CYP2C18: variants seen among roughly 807,000 people sequenced by gnomAD.
CYP2C18 encodes cytochrome P450 2C18.
A neutral mutation model predicts 41.3 loss-of-function variants in CYP2C18; 38 were observed. The ratio of observed to expected loss-of-function variants is 0.92; its 90% CI spans 0.71 to 1.21. The LOEUF (loss-of-function observed/expected upper bound fraction) is 1.21. Among genes scored for constraint, CYP2C18 ranks in the 50% most tolerant of loss-of-function variants. CYP2C18 has a pLI of 0.00. For synonymous variants in CYP2C18, 236 were observed against 210.0 expected, an observed-to-expected ratio of 1.12 and a Z score of -1.07; for missense variants, 635 against 591.4, an observed-to-expected ratio of 1.07 and a Z score of -0.77.
At chr10:94,727,369 C>G (rs753924443) in intron 7 of CYP2C18, among the ~76,000 whole-genome samples, 4 of 152,124 alleles carry the variant, frequency 2.6e-5, no homozygotes, top group Non-Finnish European at 2.9e-5. Flanking sequence ...AATCCCAGCT[C>G]TTTGGGAGGC....
Position 94,734,488 on chromosome 10 carries a change from A to C in CYP2C18, c.1292-775A>C, listed in dbSNP as rs117054827. 1.6e-3 allele frequency among the ~76,000 whole-genome samples: 237 copies of C among 152,278 alleles called. 1 individual carries two copies. The highest frequency in any genetic ancestry group is 2.7e-3 in the Non-Finnish European group (187 of 68,026). The stretch of plus-strand genomic sequence containing the variant: ...CTCCAGTGGAAGCATGAATATGATG[A>C]GGAAACCTAGAGAGGGTGAGTTTCT... On this transcript the variant is annotated intron_variant, in intron 8 of 8. Transcript: ENST00000285979.
chr10:94,709,117 T>C lies in CYP2C18; in HGVS notation c.819+2157T>C, dbSNP rs1409400345. Among the ~76,000 whole-genome samples, 6 of 152,180 alleles carry C rather than the reference T, an allele frequency of 3.9e-5. No individual in the cohort carries two copies. The East Asian group carries it at 1.2e-3, about 29-fold the overall frequency. The stretch of plus-strand genomic sequence containing the variant: ...CAGAATTGCTGGATTATACAGCAAC[T>C]GTATGCTTAATCTTTGGAGAAACCG... On this transcript the variant is annotated intron_variant, in intron 5 of 8. Transcript: ENST00000285979.
intron 4 of CYP2C18, among the ~76,000 whole-genome samples, chr10:94,700,037 A>T (rs892228939): frequency 2.6e-5 from 4 of 152,216 alleles, no homozygotes; most frequent in African/African-American, 9.6e-5. Context: ...AATATCATGA[A>T]GACGGCCATA....
intron 3 of CYP2C18, among the ~76,000 whole-genome samples, chr10:94,691,683 C>G (rs1392794421): frequency 1.3e-5 from 2 of 152,114 alleles, no homozygotes; most frequent in Non-Finnish European, 2.9e-5. Context: ...CTTTAAAGTT[C>G]ATATGGAACC....
At chr10:94,689,117 A>C (rs1268480597) in intron 3 of CYP2C18, among the ~76,000 whole-genome samples, 1 of 152,192 alleles carries the variant, frequency 6.6e-6, no homozygotes, top group Non-Finnish European at 1.5e-5. Flanking sequence ...TAAAATTATC[A>C]GCTGGTGTTA....
intron 3 of CYP2C18, among the ~76,000 whole-genome samples, chr10:94,691,053 C>A (rs1245028565): frequency 1.3e-5 from 2 of 152,126 alleles, no homozygotes; most frequent in African/African-American, 2.4e-5. Context: ...ATGACAAGCC[C>A]ACAGCCAATA....
chr10:94,722,692 A>G (rs1203976411), intron 6 of CYP2C18, among the ~76,000 whole-genome samples: 1 of 152,170 alleles, frequency 6.6e-6, no homozygotes, highest in Non-Finnish European at 1.5e-5. Flanking sequence ...TCCATTTGTC[A>G]ACTAATTGTT....
chr10:94,717,881 A>G (rs1186092342), intron 5 of CYP2C18, among the ~76,000 whole-genome samples: 1 of 152,042 alleles, frequency 6.6e-6, no homozygotes, highest in Non-Finnish European at 1.5e-5. Flanking sequence ...GAAATCAGGT[A>G]ATGTGATGCC....
chr10:94,734,610 G>C (rs974889539), intron 8 of CYP2C18, among the ~76,000 whole-genome samples: 1 of 152,108 alleles, frequency 6.6e-6, no homozygotes, highest in Non-Finnish European at 1.5e-5. Context: ...AGATGTGACA[G>C]CAAGAGATAA....
chr10:94,688,513 A>G (rs1846938049), intron 3 of CYP2C18, among the ~76,000 whole-genome samples: 1 of 152,176 alleles, frequency 6.6e-6, no homozygotes, highest in African/African-American at 2.4e-5. Context: ...ATACTTTGAC[A>G]TTAACACACT....
rs139412054 is a variant in CYP2C18 at position 94,731,678 on chromosome 10, T to C, written c.1150-1619T>C. Among the ~76,000 whole-genome samples, 9 of 152,178 alleles carry C rather than the reference T, an allele frequency of 5.9e-5. No individual in the cohort carries two copies. In the East Asian group the frequency reaches 1.5e-3, roughly 26 times the overall value. Reference sequence around the variant, plus strand: ...AAATAAAGCAGCATACCTACAGCCATCTAATCTTAAACAATGCTGACAAAA... The same window carrying C: ...AAATAAAGCAGCATACCTACAGCCACCTAATCTTAAACAATGCTGACAAAA... On this transcript the variant is annotated intron_variant, in intron 7 of 8. Transcript: ENST00000285979.
intron 3 of CYP2C18, among the ~76,000 whole-genome samples, chr10:94,691,416 A>G (rs10430657): frequency 0.16 from 25,011 of 152,158 alleles, 2,268 homozygotes; most frequent in East Asian, 0.37. Context: ...GTGAACTCCC[A>G]TTCACAATTG....
intron 5 of CYP2C18, among the ~76,000 whole-genome samples, chr10:94,708,471 TG>T (rs1433693520): frequency 6.6e-6 from 1 of 152,218 alleles, no homozygotes; most frequent in Non-Finnish European, 1.5e-5. Context: ...GTAAGGTCTA[TG>T]GTGTTTCAGT....
chr10:94,721,792 G>T (rs574919664), intron 6 of CYP2C18, among the ~76,000 whole-genome samples: 2 of 151,934 alleles, frequency 1.3e-5, no homozygotes, highest in Non-Finnish European at 2.9e-5. Context: ...ACACGATTTC[G>T]TTCTTTTACA....
intron 8 of CYP2C18, among the ~76,000 whole-genome samples, chr10:94,734,302 A>G (rs1422015884): frequency 6.6e-6 from 1 of 152,160 alleles, no homozygotes; most frequent in Non-Finnish European, 1.5e-5. Flanking sequence ...GTCTGTGGAC[A>G]TAGAGTTCCC....
At chr10:94,730,185 G>A (rs1254973743) in intron 7 of CYP2C18, among the ~76,000 whole-genome samples, 2 of 152,050 alleles carry the variant, frequency 1.3e-5, no homozygotes, top group African/African-American at 2.4e-5. Context: ...AATCAGCACA[G>A]TTAACTTGGG....
chr10:94,707,176 A>G (rs1022345969), intron 5 of CYP2C18, among the ~76,000 whole-genome samples: 1 of 152,206 alleles, frequency 6.6e-6, no homozygotes, highest in Non-Finnish European at 1.5e-5. Flanking sequence ...GAGAAAAGAC[A>G]GAATGCATGC....
rs192463859 is a variant in CYP2C18 at position 94,686,535 on chromosome 10, A to T, written c.169-1235A>T. On this transcript the variant is annotated intron_variant, in intron 1 of 8. Coordinates refer to ENST00000285979, the MANE Select transcript of CYP2C18 (RefSeq NM_000772.3). ...TTTTAGCTTTTCACCATTAAATATG[A>T]TGTTAGCTGTGGGCTTGCCACATAT... 3.0e-3 allele frequency among the ~76,000 whole-genome samples: 452 copies of T among 152,240 alleles called. 5 individuals carry two copies. The highest frequency in any genetic ancestry group is 1.8e-3 in the Non-Finnish European group (124 of 68,004).
chr10:94,706,524 T>C (rs961360320), intron 4 of CYP2C18, among the ~76,000 whole-genome samples: 12 of 152,216 alleles, frequency 7.9e-5, no homozygotes, highest in African/African-American at 2.9e-4. Flanking sequence ...AAAAATGAGA[T>C]AATTGACATG....
Sources: allele counts gnomAD v4.1 joint callset (sites outside exome capture counted in the v4.1 genomes callset), GRCh38; gene constraint gnomAD v4.1.1; transcripts MANE v1.5; gene names NCBI Gene and HGNC (gene_info 2026-07-23, HGNC 2026-07-21).